CMSS1: variants seen among roughly 807,000 people sequenced by gnomAD.
The protein encoded by CMSS1 is protein CMSS1.
CMSS1 carries 33 observed loss-of-function variants against 43.5 expected under a neutral mutation model. The ratio of observed to expected loss-of-function variants is 0.76; its 90% CI spans 0.57 to 1.01. The LOEUF (loss-of-function observed/expected upper bound fraction) is 1.01, where lower values mean the gene tolerates loss of function less well. Among genes scored for constraint, CMSS1 ranks in the 50% least tolerant of loss-of-function variants. The pLI, the probability that CMSS1 is intolerant of heterozygous loss-of-function variation, is 0.00. For synonymous variants in CMSS1, 115 were observed against 117.2 expected (o/e 0.98, Z 0.12); for missense variants, 313 against 326.4 (o/e 0.96, Z 0.32).
At chr3:99,920,245 CA>C (rs1289941636) in intron 1 of CMSS1, among the ~76,000 whole-genome samples, 1 of 150,844 alleles carries the variant, frequency 6.6e-6, no homozygotes, top group African/African-American at 2.4e-5. Context: ...TGCATGGTTT[CA>C]AAAAAAAGCA....
chr3:99,842,589 C>G (rs945359391), intron 1 of CMSS1, among the ~76,000 whole-genome samples: 1 of 151,172 alleles, frequency 6.6e-6, no homozygotes, highest in African/African-American at 2.4e-5. Context: ...GAAGAACTCA[C>G]TAAAATAAGA....
At chr3:99,932,826 G>A (rs1191501013) in intron 1 of CMSS1, among the ~76,000 whole-genome samples, 1 of 152,156 alleles carries the variant, frequency 6.6e-6, no homozygotes, top group Non-Finnish European at 1.5e-5. Flanking sequence ...AGGAGGCCGA[G>A]GTTGCATTGA....
intron 1 of CMSS1, among the ~76,000 whole-genome samples, chr3:99,896,125 G>T (rs1648745820): frequency 1.3e-5 from 2 of 152,146 alleles, no homozygotes; most frequent in South Asian, 4.1e-4. Flanking sequence ...GAAGTTAAGG[G>T]AAAACAGAAG....
At position 99,818,854 on chromosome 3, in the gene CMSS1, A is replaced by G. The variant is rs78764241; in HGVS notation, c.64+811A>G. ...TGCAGTGGGCATTTCATCCCCAAGT[A>G]GAGTAGCGTTAAGTGACCCCCCATG... On this transcript the variant is annotated intron_variant, in intron 1 of 9. Coordinates refer to ENST00000421999, the MANE Select transcript of CMSS1 (RefSeq NM_032359.4). Among the ~76,000 whole-genome samples, 5 of 152,244 alleles carry G rather than the reference A, an allele frequency of 3.3e-5. No individual in the cohort carries two copies. The East Asian group carries it at 7.7e-4, about 23-fold the overall frequency.
intron 1 of CMSS1, among the ~76,000 whole-genome samples, chr3:100,052,583 G>A (rs1159749425): frequency 1.3e-5 from 2 of 152,174 alleles, no homozygotes; most frequent in Non-Finnish European, 2.9e-5. Flanking sequence ...GCAATTCAAT[G>A]CTAGTATAGG....
intron 1 of CMSS1, among the ~76,000 whole-genome samples, chr3:99,883,243 A>G (rs2449106): frequency 0.69 from 104,527 of 152,148 alleles, 37,682 homozygotes; most frequent in African/African-American, 0.92. Flanking sequence ...AGTCCATTCC[A>G]TTCCAAACTG....
intron 1 of CMSS1, among the ~76,000 whole-genome samples, chr3:100,115,861 G>T (rs1164478612): frequency 6.6e-6 from 1 of 151,970 alleles, no homozygotes; most frequent in Non-Finnish European, 1.5e-5. Context: ...AAAAAAAATG[G>T]TTTTTTAGTC....
intron 1 of CMSS1, chr3:99,848,209 A>T: frequency 6.4e-7 from 1 of 1,569,328 alleles, no homozygotes; most frequent in African/African-American, 1.3e-5. Flanking sequence ...ATATGGAGGG[A>T]TGATTAAAAA....
At chr3:99,986,346 A>G (rs537399977) in intron 1 of CMSS1, among the ~76,000 whole-genome samples, 1 of 152,318 alleles carries the variant, frequency 6.6e-6, no homozygotes, top group Admixed American at 6.5e-5. Flanking sequence ...AAGACATATC[A>G]TTGTAAAATA....
intron 1 of CMSS1, among the ~76,000 whole-genome samples, chr3:100,107,959 C>T (rs569438282): frequency 4.0e-5 from 6 of 150,972 alleles, no homozygotes; most frequent in South Asian, 2.1e-4. Flanking sequence ...TTTCTAACAT[C>T]GGTCAAGAAA....
chr3:99,994,605 G>A (rs1313914420), intron 1 of CMSS1, among the ~76,000 whole-genome samples: 1 of 152,120 alleles, frequency 6.6e-6, no homozygotes, highest in Non-Finnish European at 1.5e-5. Context: ...CAAATACATG[G>A]AAATTAAACA....
At chr3:100,128,814 C>T (rs1189302828) in intron 1 of CMSS1, among the ~76,000 whole-genome samples, 1 of 152,228 alleles carries the variant, frequency 6.6e-6, no homozygotes, top group Non-Finnish European at 1.5e-5. Context: ...GATTAATCCA[C>T]GTTGTTGCAT....
At chr3:100,124,465 T>C (rs1369386034) in intron 1 of CMSS1, among the ~76,000 whole-genome samples, 1 of 152,206 alleles carries the variant, frequency 6.6e-6, no homozygotes, top group East Asian at 1.9e-4. Context: ...ATGAGAATGA[T>C]GAGAGAAAGC....
Position 99,851,143 on chromosome 3 carries a change from T to A in CMSS1, c.64+33100T>A, listed in dbSNP as rs1225262325. The A allele has an allele frequency of 6.7e-6, 8 of 1,198,946 alleles. No homozygotes were observed. The South Asian group carries it at 1.3e-4, about 19-fold the overall frequency. 74.3% of individuals were successfully genotyped at this position (1,198,946 alleles called of 1,614,324 possible). A position where few individuals can be genotyped will look rare whatever the true frequency, so the allele number is the denominator to read the frequency against. On this transcript the variant is annotated intron_variant, in intron 1 of 9. Transcript: ENST00000421999. Reference sequence around the variant, plus strand: ...CTCATCGAATGTACTTAAATATATATGTAATTTAGAAATTATGTAATTATA... The same window carrying A: ...CTCATCGAATGTACTTAAATATATAAGTAATTTAGAAATTATGTAATTATA...
At chr3:100,083,936 A>G (rs1576036293) in intron 1 of CMSS1, among the ~76,000 whole-genome samples, 1 of 152,314 alleles carries the variant, frequency 6.6e-6, no homozygotes, top group Non-Finnish European at 1.5e-5. Flanking sequence ...TTGTGAGCAT[A>G]ATTATCAAAA....
At chr3:100,064,139 G>A (rs1356371650) in intron 1 of CMSS1, among the ~76,000 whole-genome samples, 2 of 152,180 alleles carry the variant, frequency 1.3e-5, no homozygotes, top group Non-Finnish European at 2.9e-5. Context: ...TGAATTTGAG[G>A]TCTGCTGTAA....
intron 1 of CMSS1, among the ~76,000 whole-genome samples, chr3:99,857,870 A>C (rs1944047595): frequency 6.6e-6 from 1 of 152,228 alleles, no homozygotes; most frequent in Non-Finnish European, 1.5e-5. Context: ...GATGTTATGA[A>C]TATGGCAAGA....
intron 1 of CMSS1, among the ~76,000 whole-genome samples, chr3:99,895,539 A>G (rs962805369): frequency 1.2e-4 from 19 of 152,282 alleles, no homozygotes; most frequent in African/African-American, 4.6e-4. Context: ...TTTGCTAGAT[A>G]TAGTTTAGGG....
chr3:100,035,275 T>TATC (rs1576659160), intron 1 of CMSS1, among the ~76,000 whole-genome samples: 1 of 152,096 alleles, frequency 6.6e-6, no homozygotes, highest in South Asian at 2.1e-4. Flanking sequence ...AAATTATTAG[T>TATC]ATTATTATTA....
Sources: allele counts gnomAD v4.1 joint callset (sites outside exome capture counted in the v4.1 genomes callset), GRCh38; gene constraint gnomAD v4.1.1; transcripts MANE v1.5; gene names NCBI Gene and HGNC (gene_info 2026-07-23, HGNC 2026-07-21).